The following EFHC2 variants were observed in gnomAD, a reference collection of about 807,000 sequenced individuals.
The protein encoded by EFHC2 is EF-hand domain-containing family member C2.
EFHC2 carries 18 observed loss-of-function variants against 52.7 expected under a neutral mutation model. The ratio of observed to expected loss-of-function variants is 0.34; its 90% CI spans 0.24 to 0.51. The LOEUF (loss-of-function observed/expected upper bound fraction) is 0.51. EFHC2 is among the 20% of genes least tolerant of loss of function. The pLI, the probability that EFHC2 is intolerant of heterozygous loss-of-function variation, is 0.97. For synonymous variants in EFHC2, 203 were observed against 204.1 expected, an observed-to-expected ratio of 0.99 and a Z score of 0.04; for missense variants, 513 against 562.5, an observed-to-expected ratio of 0.91 and a Z score of 0.89.
intron 11 of EFHC2, among the ~76,000 whole-genome samples, chrX:44,211,608 T>A (rs1299788705): frequency 9.1e-6 from 1 of 110,134 alleles, no homozygotes; most frequent in Non-Finnish European, 1.9e-5. Flanking sequence ...AAGCCTGTAA[T>A]CCCAGCACTT....
rs1454734302 is a variant in EFHC2 at position 44,253,221 on chromosome X, C to A, written c.607-2776G>T. Reference sequence around the variant, plus strand: ...ACTGGGCAGCTGTTTGGGCAGACACCAAGCTAGCTGCAGTTTTTTTTTTTT... The same window carrying A: ...ACTGGGCAGCTGTTTGGGCAGACACAAAGCTAGCTGCAGTTTTTTTTTTTT... On this transcript the variant is annotated intron_variant, in intron 4 of 14. Transcript: ENST00000420999. Among the ~76,000 whole-genome samples the A allele has an allele frequency of 3.7e-5, 4 of 108,437 alleles. No homozygotes were observed. In the East Asian group the frequency reaches 1.2e-3, roughly 31 times the overall value. 94.2% of individuals were successfully genotyped at this position (108,437 alleles called of 115,157 possible). A position where few individuals can be genotyped will look rare whatever the true frequency, so the allele number is the denominator to read the frequency against.
chrX:44,169,722 T>TAC (rs10642638), intron 13 of EFHC2, among the ~76,000 whole-genome samples: 35,975 of 102,592 alleles, frequency 0.35, 5,122 homozygotes, highest in African/African-American at 0.43. Flanking sequence ...TAGCTACACA[T>TAC]ACACACACAC....
intron 1 of EFHC2, among the ~76,000 whole-genome samples, chrX:44,335,262 G>C (rs922402743): frequency 9.2e-6 from 1 of 108,295 alleles, no homozygotes; most frequent in Non-Finnish European, 1.9e-5. Context: ...ACTAAATAAA[G>C]TTTTTTCTTT....
intron 1 of EFHC2, among the ~76,000 whole-genome samples, chrX:44,339,290 G>A (rs1263793809): frequency 1.8e-5 from 2 of 111,349 alleles, no homozygotes; most frequent in Non-Finnish European, 3.8e-5. Flanking sequence ...ACTGCAGAAA[G>A]GATTTTTGGC....
chrX:44,284,584 C>T (rs1038974449), intron 2 of EFHC2: 17 of 111,474 alleles, frequency 1.5e-4, no homozygotes, highest in African/African-American at 5.6e-4. Flanking sequence ...CCAGGAATGC[C>T]ACTATCTTTG....
In EFHC2 at chrX:44,156,671, C is replaced by T. The variant is rs1009024258; in HGVS notation, c.2148+7251G>A. ...AGTTACGATGTTCATAAAATGAAGC[C>T]ACATCCAATTTTTCTCAGAAATGTC... is the stretch of plus-strand genomic sequence containing the variant. On this transcript the variant is annotated intron_variant, in intron 14 of 14. Transcript: ENST00000420999. 2.7e-5 allele frequency among the ~76,000 whole-genome samples: 3 copies of T among 112,334 alleles called. No individual in the cohort carries two copies. The Admixed American group carries it at 2.8e-4, about 11-fold the overall frequency.
intron 2 of EFHC2, 134 bp downstream of exon 2, chrX:44,312,434 A>T: frequency 2.3e-6 from 1 of 432,316 alleles, no homozygotes; most frequent in East Asian, 4.4e-5. Context: ...TAAAGGCAAT[A>T]ATAAGTAGAA....
intron 10 of EFHC2, among the ~76,000 whole-genome samples, chrX:44,230,588 T>A (rs1310636185): frequency 9.0e-6 from 1 of 111,018 alleles, no homozygotes; most frequent in East Asian, 2.8e-4. Flanking sequence ...CAGGCTGATA[T>A]TAAATAGTAT....
In EFHC2 at chrX:44,229,651, G is replaced by A. The variant is rs1373750630; in HGVS notation, c.1749C>T (p.Phe583=). Residue 583 remains phenylalanine (F), a splice_region_variant and synonymous_variant, in exon 11 of 15, where the codon TTC becomes TTT. Coordinates refer to ENST00000420999, the MANE Select transcript of EFHC2 (RefSeq NM_025184.4). ...ATTGTTAGCAGAATATGGCTTACCT[G>A]AATGTATTATAATCCACCATATTTG... The part of the protein sequence containing the change: ...KHTNMVDYNT[F]RDILMSLTVG... 1 of 1,210,917 alleles carries A rather than the reference G, an allele frequency of 8.3e-7. No individual in the cohort carries two copies. Among genetic ancestry groups the A allele is most frequent in the South Asian group, 1.8e-5 (1 of 56,930 alleles).
At chrX:44,247,184 G>C (rs1238076243) in intron 7 of EFHC2, among the ~76,000 whole-genome samples, 1 of 112,339 alleles carries the variant, frequency 8.9e-6, no homozygotes, top group Non-Finnish European at 1.9e-5. Context: ...GCATGCAGAT[G>C]CAGTGCAACA....
At chrX:44,200,989 A>G (rs1044253919) in intron 11 of EFHC2, among the ~76,000 whole-genome samples, 2 of 112,208 alleles carry the variant, frequency 1.8e-5, no homozygotes, top group Non-Finnish European at 3.8e-5. Flanking sequence ...AGAGAAAAAT[A>G]CATGCATTGC....
In EFHC2 at chrX:44,180,387, C is replaced by T. The variant is rs191087824; in HGVS notation, c.1752-1823G>A. 2.0e-3 allele frequency among the ~76,000 whole-genome samples: 228 copies of T among 112,316 alleles called. 2 individuals are homozygous for T. The highest frequency in any genetic ancestry group is 4.6e-3 in the Middle Eastern group (1 of 217). On this transcript the variant is annotated intron_variant, in intron 11 of 14. Transcript: ENST00000420999. ...AGGAAAGCCCCTGGCTCCTCTACAA[C>T]GCTGATCAAGAAACAGTCATGCCAT... is the stretch of plus-strand genomic sequence containing the variant.
At chrX:44,228,641 G>A (rs1320582394) in intron 11 of EFHC2, among the ~76,000 whole-genome samples, 1 of 111,981 alleles carries the variant, frequency 8.9e-6, no homozygotes. Context: ...AGAACATTTT[G>A]GAGACACAAA....
intron 4 of EFHC2, among the ~76,000 whole-genome samples, chrX:44,253,775 A>C (rs757734247): frequency 3.6e-5 from 4 of 112,069 alleles, no homozygotes; most frequent in Non-Finnish European, 7.5e-5. Flanking sequence ...AGCTCTGCTA[A>C]AGGACAGATT....
intron 13 of EFHC2, 22 bp downstream of exon 13, chrX:44,176,270 C>A: frequency 4.4e-6 from 5 of 1,137,746 alleles, no homozygotes; most frequent in Non-Finnish European, 6.0e-6. Flanking sequence ...CAATCCCTAT[C>A]AAGAGTGGAA....
chrX:44,183,369 C>T (rs1281125969), intron 11 of EFHC2, among the ~76,000 whole-genome samples: 1 of 112,068 alleles, frequency 8.9e-6, no homozygotes, highest in Non-Finnish European at 1.9e-5. Context: ...TTCTCTTACA[C>T]TTGTGGGCCT....
At position 44,314,917 on chromosome X, in the gene EFHC2, G is replaced by A. The variant is rs147178209; in HGVS notation, c.43-2161C>T. 4.2e-4 allele frequency among the ~76,000 whole-genome samples: 47 copies of A among 110,869 alleles called. No homozygotes were observed. In the East Asian group the frequency reaches 0.012, roughly 28 times the overall value. ...TGAAGAAAAAAACCCACAATCTTGCGGAGGAAGCAAGATTTAGATATATAA... is the reference window on the plus strand; with the variant it reads ...TGAAGAAAAAAACCCACAATCTTGCAGAGGAAGCAAGATTTAGATATATAA... On this transcript the variant is annotated intron_variant, in intron 1 of 14. Transcript: ENST00000420999.
chrX:44,190,246 G>T (rs1382032980), intron 11 of EFHC2, among the ~76,000 whole-genome samples: 1 of 111,777 alleles, frequency 8.9e-6, no homozygotes, highest in African/African-American at 3.3e-5. Context: ...GTCTTCCACA[G>T]CAGCCTGGTG....
At chrX:44,211,265 C>T (rs1358300850) in intron 11 of EFHC2, among the ~76,000 whole-genome samples, 8 of 112,217 alleles carry the variant, frequency 7.1e-5, no homozygotes, top group Non-Finnish European at 1.3e-4. Flanking sequence ...CAGTGGCTCA[C>T]GCCTGTAATC....
Sources: gnomAD v4.1 joint callset for allele counts (sites outside exome capture counted in the v4.1 genomes callset) on GRCh38, gnomAD v4.1.1 for gene constraint, MANE v1.5 for transcripts, NCBI Gene and HGNC (gene_info 2026-07-23, HGNC 2026-07-21) for gene names.